Variants in CTNNA2 observed in about 807,000 individuals in gnomAD.
CTNNA2 encodes the protein catenin alpha-2.
A neutral mutation model predicts 101.0 loss-of-function variants in CTNNA2; 42 were observed. The ratio of observed to expected loss-of-function variants is 0.42; its 90% CI spans 0.32 to 0.54. The LOEUF (loss-of-function observed/expected upper bound fraction) is 0.54, where lower values mean the gene tolerates loss of function less well. Ranked by LOEUF, CTNNA2 falls within the 20% of genes least tolerant of loss-of-function variation. The pLI, the probability that CTNNA2 is intolerant of heterozygous loss-of-function variation, is 0.14. For synonymous variants in CTNNA2, 450 were observed against 456.4 expected (o/e 0.99, Z 0.18); for missense variants, 871 against 1,223.1 (o/e 0.71, Z 4.29).
intron 7 of CTNNA2, among the ~76,000 whole-genome samples, chr2:80,037,716 T>C (rs992615977): frequency 6.6e-6 from 1 of 152,208 alleles, no homozygotes; most frequent in Non-Finnish European, 1.5e-5. Context: ...GTTCAATAAA[T>C]GTTAGCTTTT....
intron 1 of CTNNA2, among the ~76,000 whole-genome samples, chr2:79,583,395 T>G (rs970951209): frequency 6.6e-6 from 1 of 151,982 alleles, no homozygotes; most frequent in African/African-American, 2.4e-5. Context: ...TTTTTCTTGT[T>G]GTCTTTTTCT....
intron 2 of CTNNA2, among the ~76,000 whole-genome samples, chr2:79,205,530 A>C (rs1674089626): frequency 6.6e-6 from 1 of 152,220 alleles, no homozygotes; most frequent in Admixed American, 6.5e-5. Context: ...TAAGGAACAG[A>C]GGATTCTCTA....
chr2:80,638,729 C>A (rs985216680), intron 18 of CTNNA2, among the ~76,000 whole-genome samples: 2 of 152,170 alleles, frequency 1.3e-5, no homozygotes, highest in Non-Finnish European at 2.9e-5. Flanking sequence ...GGTTTACTTA[C>A]CCATAATTGA....
intron 9 of CTNNA2, among the ~76,000 whole-genome samples, chr2:80,453,057 A>G (rs987482145): frequency 6.6e-6 from 1 of 152,096 alleles, no homozygotes; most frequent in African/African-American, 2.4e-5. Context: ...GACTGGCCAC[A>G]CCCAGTGGGA....
intron 16 of CTNNA2, chr2:80,605,547 T>C (rs1037012523): frequency 2.0e-5 from 3 of 151,920 alleles, no homozygotes; most frequent in Admixed American, 2.0e-4. Context: ...GTGTTGCTTA[T>C]TGTAGTTTTC....
chr2:80,323,920 A>G (rs1678977202), intron 7 of CTNNA2, among the ~76,000 whole-genome samples: 1 of 152,168 alleles, frequency 6.6e-6, no homozygotes, highest in Non-Finnish European at 1.5e-5. Flanking sequence ...CTCAGCTAAC[A>G]TTAGTGGTAT....
intron 7 of CTNNA2, among the ~76,000 whole-genome samples, chr2:80,202,990 C>T (rs1253407140): frequency 1.3e-5 from 2 of 152,316 alleles, no homozygotes; most frequent in African/African-American, 4.8e-5. Flanking sequence ...TGGATGGCAG[C>T]AGACAAAGAG....
chr2:79,203,753 T>C (rs1674066814), intron 2 of CTNNA2, among the ~76,000 whole-genome samples: 1 of 152,234 alleles, frequency 6.6e-6, no homozygotes, highest in South Asian at 2.1e-4. Flanking sequence ...TGCTCTTAAA[T>C]TATACTTTTG....
chr2:79,344,421 GAA>G (rs1677209249), intron 3 of CTNNA2, among the ~76,000 whole-genome samples: 1 of 152,094 alleles, frequency 6.6e-6, no homozygotes, highest in South Asian at 2.1e-4. Flanking sequence ...TGAATAACTT[GAA>G]AAGTCTCAGC....
chr2:79,510,553 A>C (rs1671513814), upstream of CTNNA2, among the ~76,000 whole-genome samples: 1 of 152,124 alleles, frequency 6.6e-6, no homozygotes, highest in African/African-American at 2.4e-5. Flanking sequence ...AACATAAAAG[A>C]GTTAGTAAAT....
At chr2:79,597,513 C>A (rs142140490) in intron 1 of CTNNA2, among the ~76,000 whole-genome samples, 3,351 of 151,620 alleles carry the variant, frequency 0.022, 58 homozygotes, top group Non-Finnish European at 0.034. Context: ...GAGAGTCTCG[C>A]AGATGGAAAA....
At chr2:80,225,334 A>G (rs1708819238) in intron 7 of CTNNA2, among the ~76,000 whole-genome samples, 1 of 152,214 alleles carries the variant, frequency 6.6e-6, no homozygotes, top group African/African-American at 2.4e-5. Context: ...ACACTTTGTG[A>G]AGAGAAATCT....
At chr2:80,256,407 C>T (rs1367245397) in intron 7 of CTNNA2, among the ~76,000 whole-genome samples, 1 of 152,110 alleles carries the variant, frequency 6.6e-6, no homozygotes, top group East Asian at 1.9e-4. Context: ...ACAGCTGCGG[C>T]ACATCTGAAT....
At chr2:80,262,678 T>G (rs1672702644) in intron 7 of CTNNA2, among the ~76,000 whole-genome samples, 1 of 152,146 alleles carries the variant, frequency 6.6e-6, no homozygotes, top group South Asian at 2.1e-4. Flanking sequence ...TTTTCTTGTT[T>G]GTGAGGGAGG....
intron 9 of CTNNA2, among the ~76,000 whole-genome samples, chr2:80,440,583 G>C (rs1682471430): frequency 6.6e-6 from 1 of 152,124 alleles, no homozygotes; most frequent in African/African-American, 2.4e-5. Flanking sequence ...TTCCTTACAG[G>C]CTTTGTTATA....
intron 2 of CTNNA2, among the ~76,000 whole-genome samples, chr2:79,693,850 G>A (rs1176039032): frequency 6.6e-6 from 1 of 151,950 alleles, no homozygotes; most frequent in Non-Finnish European, 1.5e-5. Flanking sequence ...TCAGGATTGA[G>A]GAAAAGCTGT....
At chr2:79,744,814 A>T (rs996064074) in intron 3 of CTNNA2, among the ~76,000 whole-genome samples, 3 of 152,156 alleles carry the variant, frequency 2.0e-5, no homozygotes, top group Non-Finnish European at 4.4e-5. Context: ...CAAATCTTCA[A>T]GATGTTTCTT....
At chr2:79,607,049 A>G (rs919622187) in intron 1 of CTNNA2, among the ~76,000 whole-genome samples, 1 of 152,214 alleles carries the variant, frequency 6.6e-6, no homozygotes, top group East Asian at 1.9e-4. Flanking sequence ...TGTATAAGAA[A>G]CACAATTTAA....
In CTNNA2 at chr2:79,412,589, A is replaced by T. The variant is rs1292872040; in HGVS notation, c.-135+38576A>T. 5.3e-5 allele frequency among the ~76,000 whole-genome samples: 8 copies of T among 151,954 alleles called. No homozygotes were observed. The East Asian group carries it at 5.8e-4, about 11-fold the overall frequency. On this transcript the variant is annotated intron_variant, in intron 4 of 21. Transcript: ENST00000466387. ...TCAAACTAGAACTCAGGATTAAGAA[A>T]CTCACTCAAAACCGCTCAACTACAT... is the stretch of plus-strand genomic sequence containing the variant.
Sources: gnomAD v4.1 joint callset for allele counts (sites outside exome capture counted in the v4.1 genomes callset) on GRCh38, gnomAD v4.1.1 for gene constraint, MANE v1.5 for transcripts, NCBI Gene and HGNC (gene_info 2026-07-23, HGNC 2026-07-21) for gene names.